SCN2A: variants seen among roughly 807,000 people sequenced by gnomAD.
SCN2A encodes the protein sodium voltage-gated channel alpha subunit 2.
SCN2A carries 20 observed loss-of-function variants against 188.7 expected under a neutral mutation model. The observed-to-expected ratio is 0.11, with a 90% CI of 0.07 to 0.15. The LOEUF is 0.15. SCN2A is among the 10% of genes least tolerant of loss of function. The pLI, the probability that SCN2A is intolerant of heterozygous loss-of-function variation, is 1.00. For missense variants in SCN2A, 1,278 were observed against 2,445.0 expected, an observed-to-expected ratio of 0.52 and a Z score of 10.07; for synonymous variants, 804 against 833.1, an observed-to-expected ratio of 0.97 and a Z score of 0.60.
chr2:165,253,713 G>T (rs1454285222), intron 1 of SCN2A, among the ~76,000 whole-genome samples: 1 of 151,930 alleles, frequency 6.6e-6, no homozygotes, highest in Non-Finnish European at 1.5e-5. Flanking sequence ...ACACTACAAT[G>T]ATCAAGTATA....
intron 11 of SCN2A, among the ~76,000 whole-genome samples, chr2:165,318,576 T>A (rs899272138): frequency 1.3e-5 from 2 of 152,218 alleles, no homozygotes; most frequent in Non-Finnish European, 2.9e-5. Flanking sequence ...TCATTTCTCA[T>A]ATAGCTGTCA....
In SCN2A at chr2:165,252,860, G is replaced by A. The variant is rs117406997; in HGVS notation, c.-52+13220G>A. 9.8e-3 allele frequency among the ~76,000 whole-genome samples: 1,493 copies of A among 151,996 alleles called. 26 individuals carry two copies. The highest frequency in any genetic ancestry group is 0.063 in the East Asian group (323 of 5,158). ...TACCTTGAGGGACTATGTAAGGGGA[G>A]GGGGGGTGTGGCTGCTTCATCTTGA... On this transcript the variant is annotated intron_variant, in intron 1 of 26. Coordinates refer to ENST00000375437, the MANE Select transcript of SCN2A (RefSeq NM_001040142.2).
Position 165,331,549 on chromosome 2 carries a change from T to C in SCN2A, c.2369T>C (p.Val790Ala). 1 of 1,613,180 alleles carries C rather than the reference T, an allele frequency of 6.2e-7. No individual in the cohort carries two copies. Among genetic ancestry groups the C allele is most frequent in the Non-Finnish European group, 8.5e-7 (1 of 1,179,274 alleles). Reference protein sequence around the residue: ...HYPMTEQFSSVLSVGNLVFTG... With the variant: ...HYPMTEQFSSALSVGNLVFTG... ...CCCATGACGGAGCAGTTCAGCAGTGTACTGTCTGTTGGAAACCTGGTAAGC... is the reference window on the plus strand; with the variant it reads ...CCCATGACGGAGCAGTTCAGCAGTGCACTGTCTGTTGGAAACCTGGTAAGC... Residue 790 changes from valine (V) to alanine (A), a missense_variant, in exon 14 of 27, where the codon GTA becomes GCA. By Grantham distance (64) the Val-to-Ala change is moderately conservative. Transcript: ENST00000375437.
At chr2:165,331,727 C>T (rs1215027269) in intron 14 of SCN2A, among the ~76,000 whole-genome samples, 159 bp downstream of exon 14, 1 of 152,026 alleles carries the variant, frequency 6.6e-6, no homozygotes, top group Non-Finnish European at 1.5e-5. Context: ...AATGTTGCTA[C>T]CATAGTGCAA....
intron 3 of SCN2A, among the ~76,000 whole-genome samples, chr2:165,303,215 A>G (rs997961968): frequency 1.0e-4 from 15 of 149,980 alleles, no homozygotes; most frequent in African/African-American, 3.2e-4. Context: ...GGCATCACCA[A>G]TGCAAAATCC....
At position 165,332,840 on chromosome 2, in the gene SCN2A, G is replaced by C. The variant is rs563204085; in HGVS notation, c.2388+1272G>C. ...TGAAGCCCATTTGGAACTAGTTCTAGGTTCTAACCTGGCTAGATTCAGGTT... is the reference window on the plus strand; with the variant it reads ...TGAAGCCCATTTGGAACTAGTTCTACGTTCTAACCTGGCTAGATTCAGGTT... On this transcript the variant is annotated intron_variant, in intron 14 of 26. Transcript: ENST00000375437. Among the ~76,000 whole-genome samples, 12 of 152,112 alleles carry C rather than the reference G, an allele frequency of 7.9e-5. No individual in the cohort carries two copies. The South Asian group carries it at 1.7e-3, about 21-fold the overall frequency.
chr2:165,274,239 T>C (rs981695071), intron 1 of SCN2A: 8 of 147,104 alleles, frequency 5.4e-5, no homozygotes, highest in African/African-American at 2.0e-4. Flanking sequence ...CGAAATATTT[T>C]ATTGCTTTAC....
At chr2:165,293,746 A>T in intron 1 of SCN2A, 1 of 743,028 alleles carries the variant, frequency 1.3e-6, no homozygotes, top group Non-Finnish European at 1.6e-6. Flanking sequence ...TCTGTTAACA[A>T]AATTAACACT....
intron 1 of SCN2A, among the ~76,000 whole-genome samples, chr2:165,286,697 A>G (rs577719896): frequency 6.6e-6 from 1 of 152,272 alleles, no homozygotes; most frequent in South Asian, 2.1e-4. Context: ...TCCAGGCTAA[A>G]AAGCAAGAGG....
chr2:165,296,080 T>A lies in SCN2A; in HGVS notation c.257T>A (p.Ile86Asn). The A allele has an allele frequency of 6.2e-7, 1 of 1,613,310 alleles. No homozygotes were observed. Among genetic ancestry groups the A allele is most frequent in the South Asian group, 1.1e-5 (1 of 91,036 alleles). ...CTGGAGGATCTGGACCCCTACTATA[T>A]CAATAAGAAAGTGAGTTCTTAGTCA... ...VPLEDLDPYY[I>N]NKKTFIVLNK... The change falls in exon 2 of 27, where the codon ATC becomes AAC. Residue 86 changes from isoleucine to asparagine, a missense_variant. Ile to Asn is a moderately radical substitution (Grantham distance 149, BLOSUM62 -3). This residue lies in a region of SCN2A where 141 missense variants were observed against 185.4 expected (regional missense o/e 0.76). Transcript: ENST00000375437.
chr2:165,276,149 T>TTTTG (rs1356452696), intron 1 of SCN2A, among the ~76,000 whole-genome samples: 1 of 152,210 alleles, frequency 6.6e-6, no homozygotes, highest in African/African-American at 2.4e-5. Flanking sequence ...TACTGCCTTT[T>TTTTG]TTTGTTTGTT....
rs55979694 is a variant in SCN2A, at chr2:165,291,035, C to CTTTTTT, written c.-51-4719_-51-4714dup. On this transcript the variant is annotated intron_variant, in intron 1 of 26. Coordinates refer to ENST00000375437, the MANE Select transcript of SCN2A (RefSeq NM_001040142.2). Reference sequence around the variant, plus strand: ...GGTGTTTTTTTCTTTTCTTTTCTTTCTTTTTTTTTTTTTTTTTTTTTTTTG... The same window carrying CTTTTTT: ...GGTGTTTTTTTCTTTTCTTTTCTTTCTTTTTTTTTTTTTTTTTTTTTTTTTTTTTTG... Among the ~76,000 whole-genome samples, 78 of 79,978 alleles carry CTTTTTT rather than the reference C, an allele frequency of 9.8e-4. 1 individual carries two copies. The highest frequency in any genetic ancestry group is 2.1e-3 in the South Asian group (4 of 1,920). The allele number at this position is 79,978 out of a possible 152,430, so 52.5% of individuals were successfully genotyped here.
intron 14 of SCN2A, 118 bp downstream of exon 14, chr2:165,331,686 A>C: frequency 2.4e-6 from 2 of 822,182 alleles, no homozygotes; most frequent in Non-Finnish European, 4.1e-6. Flanking sequence ...CTTGACATCA[A>C]ATGTTTAGCA....
chr2:165,291,383 C>A (rs1272992318), intron 1 of SCN2A, among the ~76,000 whole-genome samples: 5 of 147,858 alleles, frequency 3.4e-5, no homozygotes, highest in African/African-American at 1.2e-4. Flanking sequence ...TTCCTTCCTT[C>A]CTTCCTTCCT....
intron 22 of SCN2A, among the ~76,000 whole-genome samples, chr2:165,376,978 A>G (rs994595096): frequency 7.2e-5 from 11 of 152,002 alleles, no homozygotes; most frequent in African/African-American, 2.7e-4. Context: ...GAAAAAATGT[A>G]CAAGAGTTTT....
chr2:165,334,946 T>G (rs1177871596), intron 14 of SCN2A, among the ~76,000 whole-genome samples: 1 of 151,538 alleles, frequency 6.6e-6, no homozygotes, highest in Non-Finnish European at 1.5e-5. Flanking sequence ...CAAAACTCAA[T>G]TATATTTCTA....
chr2:165,365,511 A>G (rs1190484697), intron 18 of SCN2A, among the ~76,000 whole-genome samples: 2 of 152,018 alleles, frequency 1.3e-5, no homozygotes, highest in East Asian at 3.9e-4. Context: ...ATGTAATTAG[A>G]TATTTTCATT....
chr2:165,273,100 A>T (rs1315922395), intron 1 of SCN2A: 1 of 152,142 alleles, frequency 6.6e-6, no homozygotes, highest in Non-Finnish European at 1.5e-5. Context: ...AATGCCAATA[A>T]ATAAAATGCT....
At chr2:165,385,798 A>C (rs1294997706) in intron 25 of SCN2A, among the ~76,000 whole-genome samples, 2 of 152,194 alleles carry the variant, frequency 1.3e-5, no homozygotes, top group Non-Finnish European at 2.9e-5. Context: ...GTCAGAAATC[A>C]GACGAAAAAT....
Sources: allele counts gnomAD v4.1 joint callset (sites outside exome capture counted in the v4.1 genomes callset), GRCh38; gene constraint gnomAD v4.1.1; regional missense constraint gnomAD v4.1.1; transcripts MANE v1.5; gene names NCBI Gene and HGNC (gene_info 2026-07-23, HGNC 2026-07-21).